Variants in CNTNAP5 observed in about 807,000 individuals in gnomAD.
CNTNAP5 encodes contactin associated protein family member 5.
A neutral mutation model predicts 150.2 loss-of-function variants in CNTNAP5; 72 were observed. That is an observed-to-expected ratio of 0.48 (90% CI 0.40 to 0.58). The LOEUF is 0.58. Ranked by LOEUF, CNTNAP5 falls within the 20% of genes least tolerant of loss-of-function variation. The pLI is 0.00. For missense variants in CNTNAP5, 1,636 were observed against 1,626.2 expected (o/e 1.01, Z -0.10); for synonymous variants, 672 against 619.8 (o/e 1.08, Z -1.25).
rs533034677 is a variant in CNTNAP5 at position 124,570,648 on chromosome 2, T to C, written c.1756+7325T>C. On this transcript the variant is annotated intron_variant, in intron 11 of 23. Coordinates refer to ENST00000682447, the MANE Select transcript of CNTNAP5 (RefSeq NM_001367498.1). The stretch of plus-strand genomic sequence containing the variant: ...GTAATGGTGATGGTGCTTTGGAGCA[T>C]ATACTGAAGATGGAAGGTGTGGGTA... 5.3e-5 allele frequency among the ~76,000 whole-genome samples: 8 copies of C among 152,244 alleles called. No homozygotes were observed. The South Asian group carries it at 1.2e-3, about 24-fold the overall frequency.
intron 1 of CNTNAP5, among the ~76,000 whole-genome samples, chr2:124,194,691 A>T (rs975247783): frequency 5.3e-5 from 8 of 150,488 alleles, no homozygotes; most frequent in African/African-American, 1.9e-4. Context: ...TAATAATGTA[A>T]TTATAATCAT....
chr2:124,543,569 G>A (rs969420888), intron 10 of CNTNAP5, among the ~76,000 whole-genome samples: 3 of 152,138 alleles, frequency 2.0e-5, no homozygotes, highest in Non-Finnish European at 2.9e-5. Context: ...CATGTCGGCT[G>A]TTTATCTGAA....
intron 6 of CNTNAP5, among the ~76,000 whole-genome samples, chr2:124,448,464 C>G (rs1484283092): frequency 1.3e-5 from 2 of 152,076 alleles, no homozygotes; most frequent in African/African-American, 2.4e-5. Flanking sequence ...GGTTGGGCTG[C>G]TACCACACAG....
chr2:124,561,665 A>AT (rs1695896789), intron 10 of CNTNAP5, among the ~76,000 whole-genome samples: 1 of 152,230 alleles, frequency 6.6e-6, no homozygotes, highest in African/African-American at 2.4e-5. Context: ...TTTCCCAAAC[A>AT]TAAGCCCTGT....
chr2:124,429,843 C>T (rs962165046), intron 4 of CNTNAP5, among the ~76,000 whole-genome samples: 1 of 152,140 alleles, frequency 6.6e-6, no homozygotes, highest in Non-Finnish European at 1.5e-5. Context: ...AGATGATGCG[C>T]AGGAACTCAG....
chr2:124,654,310 G>T (rs2105035171), intron 13 of CNTNAP5, among the ~76,000 whole-genome samples: 1 of 152,140 alleles, frequency 6.6e-6, no homozygotes, highest in African/African-American at 2.4e-5. Flanking sequence ...AAATCCAAAG[G>T]GTAATGTCAG....
At chr2:124,358,103 C>A (rs1573938978) in intron 3 of CNTNAP5, among the ~76,000 whole-genome samples, 1 of 151,728 alleles carries the variant, frequency 6.6e-6, no homozygotes, top group South Asian at 2.1e-4. Context: ...GTTTGGCTCT[C>A]TGTCTGTTGT....
chr2:124,433,263 G>A (rs374547822), intron 4 of CNTNAP5, among the ~76,000 whole-genome samples: 1 of 152,116 alleles, frequency 6.6e-6, no homozygotes, highest in East Asian at 1.9e-4. Flanking sequence ...GTGGACATTT[G>A]TGAAAGTCTC....
At chr2:124,062,728 G>T (rs745359265) in intron 1 of CNTNAP5, among the ~76,000 whole-genome samples, 13 of 152,154 alleles carry the variant, frequency 8.5e-5, no homozygotes, top group Non-Finnish European at 1.5e-4. Context: ...GCTCTAAGTT[G>T]TCTGTGTGGG....
At chr2:124,858,524 C>A (rs907047490) in intron 19 of CNTNAP5, among the ~76,000 whole-genome samples, 9 of 152,156 alleles carry the variant, frequency 5.9e-5, no homozygotes, top group Admixed American at 3.9e-4. Context: ...TCAAGGAGAA[C>A]AAGCCACTGC....
intron 3 of CNTNAP5, among the ~76,000 whole-genome samples, chr2:124,276,727 T>A (rs1357624113): frequency 6.6e-6 from 1 of 152,186 alleles, no homozygotes; most frequent in Non-Finnish European, 1.5e-5. Flanking sequence ...GGGAAAATCT[T>A]CATTTGGGCG....
intron 10 of CNTNAP5, among the ~76,000 whole-genome samples, chr2:124,536,577 T>C (rs2104900848): frequency 6.6e-6 from 1 of 152,254 alleles, no homozygotes; most frequent in African/African-American, 2.4e-5. Flanking sequence ...CAAGGTCATA[T>C]CTTAGTATTT....
intron 1 of CNTNAP5, among the ~76,000 whole-genome samples, chr2:124,101,252 G>T (rs1172625392): frequency 6.6e-6 from 1 of 152,088 alleles, no homozygotes; most frequent in Non-Finnish European, 1.5e-5. Flanking sequence ...AACAAAATAT[G>T]CCATCATCAT....
chr2:124,100,766 G>T (rs1021151541), intron 1 of CNTNAP5, among the ~76,000 whole-genome samples: 1 of 150,692 alleles, frequency 6.6e-6, no homozygotes, highest in East Asian at 2.0e-4. Flanking sequence ...TGGGGAGGCT[G>T]AGGCACTAGA....
chr2:124,892,259 G>A (rs190076635), intron 21 of CNTNAP5, among the ~76,000 whole-genome samples: 123 of 152,176 alleles, frequency 8.1e-4, no homozygotes, highest in Middle Eastern at 3.4e-3. Context: ...GGAGAAACTG[G>A]GAAGGAAATG....
In CNTNAP5 at chr2:124,043,201, A is replaced by T. The variant is rs193013684; in HGVS notation, c.82+17469A>T. ...CCTTGGAAGTGATGTAGTCCAGCCTACCCTGCATAATGTATATAGATCACC... is the reference window on the plus strand; with the variant it reads ...CCTTGGAAGTGATGTAGTCCAGCCTTCCCTGCATAATGTATATAGATCACC... On this transcript the variant is annotated intron_variant, in intron 1 of 23. Transcript: ENST00000682447. Among the ~76,000 whole-genome samples the T allele has an allele frequency of 2.1e-3, 317 of 152,300 alleles. 4 individuals carry two copies. The South Asian group carries it at 0.029, about 14-fold the overall frequency.
intron 1 of CNTNAP5, among the ~76,000 whole-genome samples, chr2:124,035,736 G>C (rs1244787310): frequency 2.0e-5 from 3 of 151,952 alleles, no homozygotes; most frequent in Non-Finnish European, 2.9e-5. Flanking sequence ...GATGACCCAA[G>C]TTTATTAGCT....
At chr2:124,190,909 G>A (rs1429917697) in intron 1 of CNTNAP5, among the ~76,000 whole-genome samples, 1 of 152,042 alleles carries the variant, frequency 6.6e-6, no homozygotes, top group South Asian at 2.1e-4. Flanking sequence ...ATTTACCCCG[G>A]CATGAGTTTT....
chr2:124,175,030 A>C (rs1365456354), intron 1 of CNTNAP5, among the ~76,000 whole-genome samples: 1 of 151,934 alleles, frequency 6.6e-6, no homozygotes, highest in African/African-American at 2.4e-5. Context: ...AAGTAAGTAC[A>C]TTTTTTTTAG....
Sources: allele counts gnomAD v4.1 joint callset (sites outside exome capture counted in the v4.1 genomes callset), GRCh38; gene constraint gnomAD v4.1.1; transcripts MANE v1.5; gene names NCBI Gene and HGNC (gene_info 2026-07-23, HGNC 2026-07-21).